Variants in MEPE observed in about 807,000 individuals in gnomAD.
MEPE encodes matrix extracellular phosphoglycoprotein.
In MEPE, 7 loss-of-function variants were observed where a neutral mutation model predicts 7.3. The observed-to-expected ratio is 0.95, with a 90% CI of 0.54 to 1.79. The LOEUF (loss-of-function observed/expected upper bound fraction) is 1.79. Ranked by LOEUF, MEPE falls within the 40% of genes most tolerant of loss-of-function variation. The pLI is 0.00. For missense variants in MEPE, 623 were observed against 628.2 expected (o/e 0.99, Z 0.09); for synonymous variants, 214 against 213.1 (o/e 1.00, Z -0.04).
At chr4:87,840,328 T>C (rs953967353) in intron 3 of MEPE, among the ~76,000 whole-genome samples, 2 of 152,206 alleles carry the variant, frequency 1.3e-5, no homozygotes, top group African/African-American at 4.8e-5. Context: ...TCCCTTCTTG[T>C]AGATTCATCG....
Position 87,845,301 on chromosome 4 carries a change from G to A in MEPE, c.433G>A (p.Ala145Thr). The A allele has an allele frequency of 6.2e-7, 1 of 1,614,008 alleles. No homozygotes were observed. The highest frequency in any genetic ancestry group is 1.1e-5 in the South Asian group (1 of 91,076). The part of the protein sequence containing the change: ...KLHDQEEYGA[A>T]LIRNNMQHIM... The stretch of plus-strand genomic sequence containing the variant: ...ACATGACCAAGAAGAATATGGCGCA[G>A]CTCTCATCAGAAATAACATGCAACA... The change falls in exon 4 of 4, where the codon GCT becomes ACT. Residue 145 changes from alanine to threonine, a missense_variant. Coordinates refer to ENST00000361056, the MANE Select transcript of MEPE (RefSeq NM_020203.6).
In MEPE at chr4:87,845,824, C is replaced by G. The variant is rs751648979; in HGVS notation, c.956C>G (p.Thr319Ser). ...GAAAATGGTGGAAATACCATTGGAA[C>G]TAGGGATGAAACTGCGAAAGAGGCA... ...REENGGNTIG[T>S]RDETAKEADA... Residue 319 changes from threonine to serine, a missense_variant, in exon 4 of 4, where the codon ACT (threonine) becomes AGT (serine). Thr to Ser is a moderately conservative substitution (Grantham distance 58). Coordinates refer to ENST00000361056, the MANE Select transcript of MEPE (RefSeq NM_020203.6). 4.3e-6 allele frequency: 7 copies of G among 1,613,844 alleles called. No individual in the cohort carries two copies. In the African/African-American group the frequency reaches 9.3e-5, roughly 22 times the overall value.
Position 87,845,106 on chromosome 4 carries a change from A to T in MEPE, c.238A>T (p.Asn80Tyr). 6.2e-7 allele frequency: 1 copy of T among 1,613,854 alleles called. No homozygotes were observed. The highest frequency in any genetic ancestry group is 8.5e-7 in the Non-Finnish European group (1 of 1,179,872). Residue 80 changes from asparagine to tyrosine, a missense_variant, in exon 4 of 4, where the codon AAT (asparagine) becomes TAT (tyrosine). Asn to Tyr is a moderately radical substitution (Grantham distance 143, BLOSUM62 -2). Coordinates refer to ENST00000361056, the MANE Select transcript of MEPE (RefSeq NM_020203.6). ...KDLSLSEASE[N>Y]KGSSKSQNYF... is the part of the protein sequence containing the mutation. ...TTTGTCCCTTTCTGAAGCCAGTGAGAATAAGGGAAGTAGTAAATCTCAAAA... is the reference window on the plus strand; with the variant it reads ...TTTGTCCCTTTCTGAAGCCAGTGAGTATAAGGGAAGTAGTAAATCTCAAAA...
At chr4:87,828,557 G>A (rs1418851490), upstream of MEPE, among the ~76,000 whole-genome samples, 3 of 152,204 alleles carry the variant, frequency 2.0e-5, no homozygotes, top group African/African-American at 4.8e-5. Flanking sequence ...GAAAAGATGG[G>A]TCCTAGAAAT....
chr4:87,827,862 A>T (rs1398882667), intron 1 of MEPE, among the ~76,000 whole-genome samples: 1 of 152,236 alleles, frequency 6.6e-6, no homozygotes, highest in East Asian at 1.9e-4. Flanking sequence ...ATGATTCTGC[A>T]TCTGGCTGAA....
At chr4:87,828,471 G>T (rs1722525429), upstream of MEPE, among the ~76,000 whole-genome samples, 1 of 151,742 alleles carries the variant, frequency 6.6e-6, no homozygotes, top group Non-Finnish European at 1.5e-5. Context: ...TGATAGCAGG[G>T]GAAAAAGGAC....
intron 2 of MEPE, among the ~76,000 whole-genome samples, chr4:87,835,996 G>T (rs1336107338): frequency 2.1e-5 from 3 of 141,426 alleles, no homozygotes; most frequent in Non-Finnish European, 1.5e-5. Flanking sequence ...CTCCATTACA[G>T]GGCCACATTC....
intron 2 of MEPE, among the ~76,000 whole-genome samples, chr4:87,837,356 C>G (rs192827683): frequency 3.4e-5 from 5 of 145,008 alleles, no homozygotes; most frequent in Admixed American, 2.0e-4. Context: ...CCTTCCCCCC[C>G]TCCAGACTCA....
At chr4:87,829,129 A>C (rs1031114374), upstream of MEPE, among the ~76,000 whole-genome samples, 19 of 152,254 alleles carry the variant, frequency 1.2e-4, no homozygotes, top group East Asian at 3.7e-3. Context: ...TCTCTACTGC[A>C]TGGAACTTAG....
At chr4:87,837,185 G>T (rs994260640) in intron 2 of MEPE, among the ~76,000 whole-genome samples, 3 of 152,054 alleles carry the variant, frequency 2.0e-5, no homozygotes, top group Non-Finnish European at 4.4e-5. Flanking sequence ...GACCACCCAA[G>T]GATCGAAGCT....
At position 87,839,676 on chromosome 4, in the gene MEPE, T is replaced by A; in HGVS notation, c.108+991T>A. 1.3e-6 allele frequency: 2 copies of A among 1,544,064 alleles called. 1 individual carries two copies. The highest frequency in any genetic ancestry group is 2.4e-5 in the South Asian group (2 of 83,910). On this transcript the variant is annotated intron_variant, in intron 3 of 3. Transcript: ENST00000361056. ...AAACGTGCCTCAATATAATGTTGTGTTTTTGTAGATAACATACAAGGGTCA... is the reference window on the plus strand; with the variant it reads ...AAACGTGCCTCAATATAATGTTGTGATTTTGTAGATAACATACAAGGGTCA...
intron 3 of MEPE, among the ~76,000 whole-genome samples, chr4:87,840,421 A>T (rs1466493514): frequency 6.6e-6 from 1 of 152,234 alleles, no homozygotes; most frequent in Admixed American, 6.5e-5. Flanking sequence ...TTCCCATGGA[A>T]GTAATAGTTT....
chr4:87,828,469 G>A (rs559581369), upstream of MEPE, among the ~76,000 whole-genome samples: 1 of 151,948 alleles, frequency 6.6e-6, no homozygotes. Flanking sequence ...CATGATAGCA[G>A]GGGAAAAAGG....
In MEPE at chr4:87,845,900, T is replaced by C. The variant is rs1723225792; in HGVS notation, c.1032T>C (p.Ser344=). The C allele has an allele frequency of 6.2e-7, 1 of 1,613,972 alleles. No homozygotes were observed. The highest frequency in any genetic ancestry group is 8.5e-7 in the Non-Finnish European group (1 of 1,179,968). ...AGGGCAGCAACGATATCATGGGTAGTACCAATTTTAAGGAGCTCCCTGGAA... is the reference window on the plus strand; with the variant it reads ...AGGGCAGCAACGATATCATGGGTAGCACCAATTTTAAGGAGCTCCCTGGAA... ...LVEGSNDIMG[S]TNFKELPGRE... is the part of the protein sequence containing the mutation. The change falls in exon 4 of 4, where the codon AGT becomes AGC. Residue 344 remains serine (S), a synonymous_variant. Coordinates refer to ENST00000361056, the MANE Select transcript of MEPE (RefSeq NM_020203.6).
upstream of MEPE, among the ~76,000 whole-genome samples, chr4:87,829,070 A>G (rs1314708632): frequency 1.3e-5 from 2 of 152,156 alleles, no homozygotes. Flanking sequence ...GAGTTTTTGA[A>G]GTTCAATTTC....
At chr4:87,836,671 T>C (rs749643129) in intron 2 of MEPE, among the ~76,000 whole-genome samples, 9 of 152,200 alleles carry the variant, frequency 5.9e-5, no homozygotes, top group East Asian at 3.8e-4. Flanking sequence ...CGATAATTAA[T>C]ATAAAGTTTA....
In MEPE at chr4:87,846,079, A is replaced by G; in HGVS notation, c.1211A>G (p.Lys404Arg). ...TATAATGAAATTCCTAAAAATGGCA[A>G]AGGCAGTACCAGAAAGGGTGTAGAT... ...TNYNEIPKNG[K>R]GSTRKGVDHS... Residue 404 changes from lysine to arginine, a missense_variant, in exon 4 of 4, where the codon AAA (lysine) becomes AGA (arginine). Lys to Arg is a conservative substitution (Grantham distance 26). Transcript: ENST00000361056. 1.2e-6 allele frequency: 2 copies of G among 1,614,056 alleles called. No individual in the cohort carries two copies. The highest frequency in any genetic ancestry group is 1.7e-6 in the Non-Finnish European group (2 of 1,179,956).
In MEPE at chr4:87,840,354, A is replaced by G. The variant is rs1198987598; in HGVS notation, c.108+1669A>G. 2.0e-5 allele frequency among the ~76,000 whole-genome samples: 3 copies of G among 152,214 alleles called. No individual in the cohort carries two copies. The East Asian group carries it at 5.8e-4, about 29-fold the overall frequency. ...AGATTCATCGGCCAAAGGGCTGGAA[A>G]TAGCTTGAAATGCCATCAGCAAAAG... On this transcript the variant is annotated intron_variant, in intron 3 of 3. Coordinates refer to ENST00000361056, the MANE Select transcript of MEPE (RefSeq NM_020203.6).
Position 87,845,643 on chromosome 4 carries a change from G to A in MEPE, c.775G>A (p.Gly259Ser), listed in dbSNP as rs200300679. The A allele has an allele frequency of 1.5e-4, 237 of 1,613,714 alleles. No homozygotes were observed. The highest frequency in any genetic ancestry group is 1.8e-4 in the Non-Finnish European group (214 of 1,179,934). ...DNDISPFSGD[G>S]QPFKDIPGKG... ...TGATATATCTCCTTTCAGTGGGGAC[G>A]GCCAACCTTTTAAGGACATTCCTGG... is the stretch of plus-strand genomic sequence containing the variant. The change falls in exon 4 of 4, where the codon GGC becomes AGC. Residue 259 changes from glycine to serine, a missense_variant. Transcript: ENST00000361056.
Sources: allele counts gnomAD v4.1 joint callset (sites outside exome capture counted in the v4.1 genomes callset), GRCh38; gene constraint gnomAD v4.1.1; transcripts MANE v1.5; gene names NCBI Gene and HGNC (gene_info 2026-07-23, HGNC 2026-07-21).